The following PCDH15 variants were observed in gnomAD, a reference collection of about 807,000 sequenced individuals.
The protein encoded by PCDH15 is protocadherin-15.
In PCDH15, 129 loss-of-function variants were observed where a neutral mutation model predicts 178.5. That is an observed-to-expected ratio of 0.72 (90% CI 0.63 to 0.84). The LOEUF (loss-of-function observed/expected upper bound fraction) is 0.84. Among genes scored for constraint, PCDH15 ranks in the 40% least tolerant of loss-of-function variants. PCDH15 has a pLI of 0.00. For synonymous variants in PCDH15, 800 were observed against 732.0 expected (o/e 1.09, Z -1.50); for missense variants, 2,230 against 2,099.9 (o/e 1.06, Z -1.21).
At chr10:55,180,736 T>A (rs1219458713) in intron 1 of PCDH15, among the ~76,000 whole-genome samples, 1 of 152,156 alleles carries the variant, frequency 6.6e-6, no homozygotes, top group African/African-American at 2.4e-5. Flanking sequence ...ATCATGAAAT[T>A]AAATCAAATG....
At chr10:54,232,724 C>T (rs1277928002) in intron 9 of PCDH15, among the ~76,000 whole-genome samples, 3 of 151,966 alleles carry the variant, frequency 2.0e-5, no homozygotes, top group Admixed American at 6.6e-5. Context: ...ATAGAAGGTC[C>T]TCTCTTTCAT....
Position 55,298,848 on chromosome 10 carries a change from G to A in PCDH15, c.-156+20751C>T, listed in dbSNP as rs889380025. ...CCACCTTGGCCTCCCAAAGAGCTGG[G>A]ATTACAGGCATGAGCCACCGTGCCC... On this transcript the variant is annotated intron_variant, in intron 1 of 5. Transcript: ENST00000458638. 3.0e-4 allele frequency among the ~76,000 whole-genome samples: 46 copies of A among 152,066 alleles called. 1 individual carries two copies. The highest frequency in any genetic ancestry group is 4.4e-4 in the Non-Finnish European group (30 of 68,010).
intron 2 of PCDH15, among the ~76,000 whole-genome samples, chr10:55,064,071 T>A (rs940604523): frequency 2.0e-5 from 3 of 152,084 alleles, no homozygotes; most frequent in Admixed American, 6.6e-5. Context: ...GTTGTGAGAA[T>A]CTAAGCAGAG....
intron 10 of PCDH15, among the ~76,000 whole-genome samples, chr10:54,198,694 G>A (rs2049933338): frequency 7.6e-6 from 1 of 131,060 alleles, no homozygotes; most frequent in Non-Finnish European, 1.5e-5. Context: ...GTAGAGACGG[G>A]GTTTCACCGT....
chr10:54,568,902 AT>A lies in PCDH15; in HGVS notation c.92-41026del, dbSNP rs1444542757. On this transcript the variant is annotated intron_variant, in intron 2 of 37. Transcript: ENST00000644397. ...AAGATCTTAGTAAACCTCACAAACCATTTTGTAAAAAATTTTTGATTGCCAT... is the reference window on the plus strand; with the variant it reads ...AAGATCTTAGTAAACCTCACAAACCATTTGTAAAAAATTTTTGATTGCCAT... 1.3e-4 allele frequency among the ~76,000 whole-genome samples: 20 copies of A among 152,162 alleles called. No individual in the cohort carries two copies. In the South Asian group the frequency reaches 1.4e-3, roughly 11 times the overall value.
intron 3 of PCDH15, among the ~76,000 whole-genome samples, chr10:54,503,198 C>T (rs565914176): frequency 4.2e-5 from 6 of 143,988 alleles, no homozygotes; most frequent in Admixed American, 2.1e-4. Flanking sequence ...AGATTGAAGG[C>T]AAATCCCAGG....
chr10:54,880,286 T>C (rs534187897), intron 3 of PCDH15, among the ~76,000 whole-genome samples: 155 of 152,268 alleles, frequency 1.0e-3, no homozygotes, highest in Non-Finnish European at 8.8e-4. Flanking sequence ...ACAGCCCTTA[T>C]GGCTCTAACA....
chr10:54,638,310 C>A (rs144939681), intron 2 of PCDH15, among the ~76,000 whole-genome samples: 175 of 151,970 alleles, frequency 1.2e-3, no homozygotes, highest in African/African-American at 4.0e-3. Flanking sequence ...ATCTAGTAAA[C>A]AAGTTAAAGA....
chr10:55,624,803 T>A (rs1311549179), intron 2 of PCDH15, among the ~76,000 whole-genome samples: 1 of 152,044 alleles, frequency 6.6e-6, no homozygotes, highest in Non-Finnish European at 1.5e-5. Flanking sequence ...ATAGACTCAA[T>A]AAAATGACCA....
At chr10:55,101,258 A>G (rs1255352600) in intron 2 of PCDH15, among the ~76,000 whole-genome samples, 1 of 151,998 alleles carries the variant, frequency 6.6e-6, no homozygotes, top group Non-Finnish European at 1.5e-5. Context: ...ACGTACCTGT[A>G]ATCCCAGCTA....
chr10:55,424,866 G>A (rs980469750), intron 2 of PCDH15, among the ~76,000 whole-genome samples: 12 of 150,864 alleles, frequency 8.0e-5, no homozygotes, highest in African/African-American at 2.5e-4. Context: ...AATTGGCATC[G>A]TATTGCAACA....
intron 17 of PCDH15, among the ~76,000 whole-genome samples, chr10:54,069,073 A>G (rs1167965905): frequency 2.0e-5 from 3 of 152,176 alleles, no homozygotes; most frequent in Non-Finnish European, 4.4e-5. Flanking sequence ...TATTTCTTTA[A>G]AATTTGCCTT....
At chr10:54,137,154 TAATAA>T (rs1349993772) in intron 14 of PCDH15, among the ~76,000 whole-genome samples, 2 of 152,196 alleles carry the variant, frequency 1.3e-5, no homozygotes, top group East Asian at 1.9e-4. Context: ...TTTAAGCACT[TAATAA>T]AATAGGGCAG....
intron 2 of PCDH15, among the ~76,000 whole-genome samples, chr10:55,030,711 G>A (rs1840589236): frequency 6.6e-6 from 1 of 152,020 alleles, no homozygotes; most frequent in African/African-American, 2.4e-5. Flanking sequence ...ATCACAAATT[G>A]TCATAGGCAG....
intron 2 of PCDH15, among the ~76,000 whole-genome samples, chr10:55,148,365 T>C (rs926283280): frequency 2.0e-5 from 3 of 151,930 alleles, no homozygotes; most frequent in Non-Finnish European, 2.9e-5. Context: ...GTGAGGTACA[T>C]AAATCAAGTA....
At chr10:55,541,887 A>G (rs1166020805) in intron 2 of PCDH15, among the ~76,000 whole-genome samples, 1 of 151,816 alleles carries the variant, frequency 6.6e-6, no homozygotes, top group East Asian at 1.9e-4. Flanking sequence ...TGATTTGTCC[A>G]AACCATAAGA....
At chr10:55,056,117 T>A (rs962915447) in intron 2 of PCDH15, among the ~76,000 whole-genome samples, 4 of 152,154 alleles carry the variant, frequency 2.6e-5, no homozygotes, top group Non-Finnish European at 4.4e-5. Context: ...CGCATACGGG[T>A]CAAAGCATTC....
At chr10:54,337,169 AACTT>A (rs1941348711) in intron 6 of PCDH15, among the ~76,000 whole-genome samples, 2 of 152,076 alleles carry the variant, frequency 1.3e-5, no homozygotes, top group African/African-American at 2.4e-5. Flanking sequence ...GGAAGTAACT[AACTT>A]ACTTTTGATT....
At chr10:55,425,706 T>G (rs2132050811) in intron 2 of PCDH15, among the ~76,000 whole-genome samples, 1 of 152,270 alleles carries the variant, frequency 6.6e-6, no homozygotes, top group South Asian at 2.1e-4. Flanking sequence ...AAACTTCTGA[T>G]ATCTGAATCA....
Sources: allele counts gnomAD v4.1 joint callset (sites outside exome capture counted in the v4.1 genomes callset), GRCh38; gene constraint gnomAD v4.1.1; transcripts MANE v1.5; gene names NCBI Gene and HGNC (gene_info 2026-07-23, HGNC 2026-07-21).